Variants in NAALADL2 observed in about 807,000 individuals in gnomAD.
The protein encoded by NAALADL2 is inactive N-acetylated-alpha-linked acidic dipeptidase-like protein 2.
Under a neutral mutation model 87.2 loss-of-function variants are expected in NAALADL2, and 76 were observed. The observed-to-expected ratio is 0.87, with a 90% confidence interval of 0.72 to 1.05. The LOEUF (loss-of-function observed/expected upper bound fraction) is 1.05. Ranked by LOEUF, NAALADL2 falls within the 50% of genes least tolerant of loss-of-function variation. The pLI is 0.00. For missense variants in NAALADL2, 1,089 were observed against 945.8 expected (o/e 1.15, Z -1.99); for synonymous variants, 354 against 331.0 (o/e 1.07, Z -0.75).
chr3:175,571,589 T>A (rs1255564656), intron 9 of NAALADL2, among the ~76,000 whole-genome samples: 1 of 152,224 alleles, frequency 6.6e-6, no homozygotes, highest in African/African-American at 2.4e-5. Context: ...TTACCTCACA[T>A]GGATCTGTTA....
chr3:175,130,965 G>T (rs1252719418), intron 2 of NAALADL2, among the ~76,000 whole-genome samples: 1 of 152,110 alleles, frequency 6.6e-6, no homozygotes, highest in Non-Finnish European at 1.5e-5. Context: ...TTTTGATAGG[G>T]ATTGCATTGA....
chr3:174,885,864 C>A (rs1446556731), intron 1 of NAALADL2, among the ~76,000 whole-genome samples: 1 of 128,640 alleles, frequency 7.8e-6, no homozygotes, highest in Non-Finnish European at 1.6e-5. Context: ...GCAAGGAGAG[C>A]CAGTCCGAGT....
chr3:175,401,892 T>G (rs1370499382), intron 5 of NAALADL2, among the ~76,000 whole-genome samples: 2 of 152,072 alleles, frequency 1.3e-5, no homozygotes, highest in African/African-American at 4.8e-5. Context: ...TAGACGATCA[T>G]GAGTATTTAA....
intron 1 of NAALADL2, among the ~76,000 whole-genome samples, chr3:174,496,920 AAAT>A (rs1397908281): frequency 1.3e-5 from 2 of 152,174 alleles, no homozygotes; most frequent in Non-Finnish European, 2.9e-5. Context: ...TAAGTGATAA[AAAT>A]AATAACACAG....
At chr3:174,769,328 G>C (rs1042050357) in intron 3 of NAALADL2, among the ~76,000 whole-genome samples, 14 of 151,758 alleles carry the variant, frequency 9.2e-5, no homozygotes, top group Non-Finnish European at 2.1e-4. Flanking sequence ...TCACCTGCGT[G>C]GTATGATAAA....
At chr3:174,684,194 A>T (rs1390842493) in intron 2 of NAALADL2, among the ~76,000 whole-genome samples, 1 of 152,070 alleles carries the variant, frequency 6.6e-6, no homozygotes, top group Non-Finnish European at 1.5e-5. Context: ...TTACTTATAC[A>T]ATTATTGAAT....
At chr3:175,684,567 G>A (rs1181844595) in intron 11 of NAALADL2, among the ~76,000 whole-genome samples, 1 of 152,104 alleles carries the variant, frequency 6.6e-6, no homozygotes, top group East Asian at 1.9e-4. Context: ...GGCTGAACTG[G>A]AGGATCACTT....
intron 9 of NAALADL2, among the ~76,000 whole-genome samples, chr3:175,501,880 T>A (rs1729594407): frequency 6.6e-6 from 1 of 151,888 alleles, no homozygotes; most frequent in Non-Finnish European, 1.5e-5. Flanking sequence ...TTAAGAAAAA[T>A]GATAGTCACA....
At chr3:174,621,976 C>T (rs997935540) in intron 2 of NAALADL2, among the ~76,000 whole-genome samples, 1 of 152,142 alleles carries the variant, frequency 6.6e-6, no homozygotes, top group Non-Finnish European at 1.5e-5. Context: ...CTCAAGATCT[C>T]ATCCTGGTTT....
At chr3:174,854,714 A>G (rs548132305), upstream of NAALADL2, among the ~76,000 whole-genome samples, 1 of 152,274 alleles carries the variant, frequency 6.6e-6, no homozygotes, top group Non-Finnish European at 1.5e-5. Flanking sequence ...TAAAAATGAC[A>G]AAAAACTTTA....
chr3:175,251,246 A>G (rs888641524), intron 3 of NAALADL2, among the ~76,000 whole-genome samples: 4 of 152,128 alleles, frequency 2.6e-5, no homozygotes, highest in Non-Finnish European at 5.9e-5. Flanking sequence ...ATAGAATAAG[A>G]TATTTTATTT....
chr3:175,222,495 GAT>G (rs933488130), intron 2 of NAALADL2, among the ~76,000 whole-genome samples: 14 of 152,108 alleles, frequency 9.2e-5, no homozygotes, highest in Admixed American at 7.9e-4. Context: ...TTTCAGACTT[GAT>G]CCTGACAGCT....
intron 1 of NAALADL2, among the ~76,000 whole-genome samples, chr3:174,888,830 T>G (rs1189765831): frequency 2.0e-5 from 3 of 152,248 alleles, no homozygotes; most frequent in African/African-American, 7.2e-5. Flanking sequence ...CATAAACATA[T>G]AAATTGAGTC....
chr3:174,782,575 G>A (rs1342256028), intron 3 of NAALADL2, among the ~76,000 whole-genome samples: 1 of 151,988 alleles, frequency 6.6e-6, no homozygotes, highest in Non-Finnish European at 1.5e-5. Context: ...CAATAATGAA[G>A]TTGTATTAGT....
intron 2 of NAALADL2, among the ~76,000 whole-genome samples, chr3:175,182,086 A>T (rs1339718070): frequency 6.6e-6 from 1 of 151,850 alleles, no homozygotes; most frequent in Admixed American, 6.6e-5. Flanking sequence ...GATAATAACC[A>T]TTCTGACAGT....
intron 5 of NAALADL2, among the ~76,000 whole-genome samples, chr3:175,328,994 T>C (rs1395993314): frequency 2.6e-5 from 4 of 152,224 alleles, no homozygotes; most frequent in African/African-American, 7.2e-5. Context: ...GTATTAGGAA[T>C]AACAAATCCT....
At chr3:175,221,468 A>G (rs1470489806) in intron 2 of NAALADL2, among the ~76,000 whole-genome samples, 3 of 152,024 alleles carry the variant, frequency 2.0e-5, no homozygotes, top group African/African-American at 7.2e-5. Flanking sequence ...ACTTTTCTGT[A>G]TATGTCAAAT....
intron 9 of NAALADL2, among the ~76,000 whole-genome samples, chr3:175,534,258 A>G (rs909979971): frequency 6.6e-6 from 1 of 150,902 alleles, no homozygotes; most frequent in African/African-American, 2.4e-5. Flanking sequence ...GGACAGAACT[A>G]ATAGGATACA....
At chr3:175,063,295 T>A (rs574578728) in intron 1 of NAALADL2, among the ~76,000 whole-genome samples, 1 of 152,122 alleles carries the variant, frequency 6.6e-6, no homozygotes, top group Non-Finnish European at 1.5e-5. Flanking sequence ...AATTAAACAA[T>A]TGATTTGATA....
Sources: gnomAD v4.1 joint callset for allele counts (sites outside exome capture counted in the v4.1 genomes callset) on GRCh38, gnomAD v4.1.1 for gene constraint, MANE v1.5 for transcripts, NCBI Gene and HGNC (gene_info 2026-07-23, HGNC 2026-07-21) for gene names.